The following LRRTM4 variants were observed in gnomAD, a reference collection of about 807,000 sequenced individuals.
LRRTM4 encodes leucine rich repeat transmembrane neuronal 4.
Under a neutral mutation model 47.6 loss-of-function variants are expected in LRRTM4, and 25 were observed. The ratio of observed to expected loss-of-function variants is 0.53; its 90% CI spans 0.38 to 0.73. LRRTM4 has a LOEUF of 0.73. Ranked by LOEUF, LRRTM4 falls within the 30% of genes least tolerant of loss-of-function variation. The probability of loss-of-function intolerance (pLI) is 0.00; values close to 1 mark genes in which losing one functional copy is unlikely to be tolerated. For missense variants in LRRTM4, 638 were observed against 713.4 expected (o/e 0.89, Z 1.20); for synonymous variants, 311 against 269.5 (o/e 1.15, Z -1.51).
At chr2:77,414,636 A>G (rs561226430) in intron 3 of LRRTM4, among the ~76,000 whole-genome samples, 272 of 152,334 alleles carry the variant, frequency 1.8e-3, no homozygotes, top group Non-Finnish European at 3.5e-3. Flanking sequence ...AGTTTCTCAT[A>G]GTGATGGAGG....
chr2:76,979,064 A>G (rs531205550), intron 3 of LRRTM4, among the ~76,000 whole-genome samples: 24 of 152,170 alleles, frequency 1.6e-4, no homozygotes, highest in African/African-American at 5.5e-4. Flanking sequence ...CAGAGAAACC[A>G]GGATGCTAAG....
At chr2:76,883,961 G>T (rs1396523731) in intron 3 of LRRTM4, among the ~76,000 whole-genome samples, 1 of 151,342 alleles carries the variant, frequency 6.6e-6, no homozygotes, top group Non-Finnish European at 1.5e-5. Context: ...TTAACTACAG[G>T]TGCACACCAC....
chr2:77,287,480 GT>G (rs917477929), intron 3 of LRRTM4, among the ~76,000 whole-genome samples: 12 of 146,186 alleles, frequency 8.2e-5, no homozygotes, highest in Admixed American at 4.0e-4. Context: ...TTTTACCCAT[GT>G]TTTTTTCCCC....
rs778249259 is a variant in LRRTM4, at chr2:77,519,552, T to C, written c.317A>G (p.Gln106Arg). ...YISSVDEDAF[Q>R]GIRRLKELIL... ...TAATTCTTTCAGTCTACGGATCCCTTGAAATGCATCTTCATCCACTGAGCT... is the reference window on the plus strand; with the variant it reads ...TAATTCTTTCAGTCTACGGATCCCTCGAAATGCATCTTCATCCACTGAGCT... The change falls in exon 3 of 4, where the codon CAA becomes CGA. Residue 106 changes from glutamine (Q) to arginine (R), a missense_variant. Physicochemically the swap from Gln to Arg is conservative, Grantham distance 43. Coordinates refer to ENST00000409884, the MANE Select transcript of LRRTM4 (RefSeq NM_001134745.3). The surrounding 1 kb of genome is among the most constrained non-coding windows in gnomAD (Gnocchi z 4.6). 4 of 1,613,472 alleles carry C rather than the reference T, an allele frequency of 2.5e-6. No individual in the cohort carries two copies. Among genetic ancestry groups the C allele is most frequent in the East Asian group, 2.2e-5 (1 of 44,844 alleles).
At chr2:77,356,605 G>T (rs1671977520) in intron 3 of LRRTM4, among the ~76,000 whole-genome samples, 9 of 152,142 alleles carry the variant, frequency 5.9e-5, no homozygotes, top group Admixed American at 5.9e-4. Flanking sequence ...GAATCATTAA[G>T]ACAATTTGTC....
In LRRTM4 at chr2:76,945,891, T is replaced by C. The variant is rs557965269; in HGVS notation, c.1552-196975A>G. 6.6e-5 allele frequency among the ~76,000 whole-genome samples: 10 copies of C among 152,096 alleles called. No homozygotes were observed. The South Asian group carries it at 1.2e-3, about 19-fold the overall frequency. ...TATGCAAAAATAATTTTATCCACAATTGAGAAATTGTAGAAATCTGTATAT... is the reference window on the plus strand; with the variant it reads ...TATGCAAAAATAATTTTATCCACAACTGAGAAATTGTAGAAATCTGTATAT... On this transcript the variant is annotated intron_variant, in intron 3 of 3. Transcript: ENST00000409884.
At chr2:77,369,509 C>T (rs996712080) in intron 3 of LRRTM4, among the ~76,000 whole-genome samples, 3 of 151,512 alleles carry the variant, frequency 2.0e-5, no homozygotes, top group East Asian at 1.9e-4. Context: ...TTATTGCATT[C>T]GGGATTTTCG....
At chr2:77,095,918 C>T (rs1279518650) in intron 3 of LRRTM4, among the ~76,000 whole-genome samples, 1 of 152,118 alleles carries the variant, frequency 6.6e-6, no homozygotes, top group Non-Finnish European at 1.5e-5. Flanking sequence ...AGTACAAAGT[C>T]TTGGACTATA....
intron 3 of LRRTM4, among the ~76,000 whole-genome samples, chr2:77,126,788 A>G (rs1671663013): frequency 1.3e-5 from 2 of 152,200 alleles, no homozygotes; most frequent in South Asian, 4.1e-4. Flanking sequence ...CAGCAAGATC[A>G]AAGGAAAATC....
chr2:77,070,097 G>A (rs919306374), intron 3 of LRRTM4, among the ~76,000 whole-genome samples: 1 of 151,978 alleles, frequency 6.6e-6, no homozygotes, highest in Non-Finnish European at 1.5e-5. Flanking sequence ...ATGAGCTATC[G>A]CGTGCTTCTG....
At chr2:77,122,370 C>G (rs945663272) in intron 3 of LRRTM4, among the ~76,000 whole-genome samples, 1 of 151,128 alleles carries the variant, frequency 6.6e-6, no homozygotes, top group African/African-American at 2.4e-5. Flanking sequence ...TTTTAATTAT[C>G]TTACTTCAAG....
intron 3 of LRRTM4, among the ~76,000 whole-genome samples, chr2:77,248,551 A>C (rs570659784): frequency 1.2e-4 from 18 of 152,274 alleles, no homozygotes; most frequent in African/African-American, 3.1e-4. Context: ...CTAACTCTAA[A>C]GTTTATACAG....
At chr2:77,052,195 C>CTTTTTTTTTTTTTT (rs1679458649) in intron 3 of LRRTM4, among the ~76,000 whole-genome samples, 1 of 84,322 alleles carries the variant, frequency 1.2e-5, no homozygotes, top group Non-Finnish European at 2.0e-5. Context: ...TTGCTCTTTG[C>CTTTTTTTTTTTTTT]TCTTGTTGCC....
At chr2:76,975,070 A>C (rs114249101) in intron 3 of LRRTM4, among the ~76,000 whole-genome samples, 6 of 151,854 alleles carry the variant, frequency 4.0e-5, no homozygotes, top group Admixed American at 2.6e-4. Context: ...AAAAACAAAC[A>C]AACCAACAAA....
chr2:77,464,552 T>TC (rs1676911474), intron 3 of LRRTM4, among the ~76,000 whole-genome samples: 1 of 152,060 alleles, frequency 6.6e-6, no homozygotes, highest in African/African-American at 2.4e-5. Context: ...TGCATTTTTT[T>TC]ACATGTTCAG....
At chr2:76,957,759 A>C (rs1338356198) in intron 3 of LRRTM4, among the ~76,000 whole-genome samples, 1 of 151,668 alleles carries the variant, frequency 6.6e-6, no homozygotes, top group African/African-American at 2.4e-5. Context: ...AAGCTTGAAT[A>C]TAAGAAGAAT....
intron 3 of LRRTM4, among the ~76,000 whole-genome samples, chr2:77,115,890 A>G (rs1450730869): frequency 6.6e-6 from 1 of 151,996 alleles, no homozygotes; most frequent in Admixed American, 6.6e-5. Flanking sequence ...TGTAACAATC[A>G]TCTGTTTTTC....
chr2:77,219,330 T>C (rs1674551802), intron 3 of LRRTM4, among the ~76,000 whole-genome samples: 1 of 152,154 alleles, frequency 6.6e-6, no homozygotes, highest in African/African-American at 2.4e-5. Flanking sequence ...TTTGTACTGA[T>C]CATCATCTGA....
intron 3 of LRRTM4, among the ~76,000 whole-genome samples, chr2:77,398,433 C>T (rs1217579685): frequency 6.6e-6 from 1 of 151,776 alleles, no homozygotes; most frequent in Non-Finnish European, 1.5e-5. Flanking sequence ...TGCAATCAAA[C>T]ACATACTTTT....
Sources: allele counts gnomAD v4.1 joint callset (sites outside exome capture counted in the v4.1 genomes callset), GRCh38; gene constraint gnomAD v4.1.1; non-coding constraint Gnocchi (gnomAD v3.1); transcripts MANE v1.5; gene names NCBI Gene and HGNC (gene_info 2026-07-23, HGNC 2026-07-21).